KCNIP1: variants seen among roughly 807,000 people sequenced by gnomAD.
The protein encoded by KCNIP1 is A-type potassium channel modulatory protein KCNIP1.
In KCNIP1, 18 loss-of-function variants were observed where a neutral mutation model predicts 33.0. The ratio of observed to expected loss-of-function variants is 0.55; its 90% CI spans 0.38 to 0.81. KCNIP1 has a LOEUF of 0.81. Ranked by LOEUF, KCNIP1 falls within the 30% of genes least tolerant of loss-of-function variation. The pLI is 0.00. For synonymous variants in KCNIP1, 93 were observed against 98.3 expected, an observed-to-expected ratio of 0.95 and a Z score of 0.32; for missense variants, 238 against 271.6, an observed-to-expected ratio of 0.88 and a Z score of 0.87.
intron 1 of KCNIP1, among the ~76,000 whole-genome samples, chr5:170,702,123 C>T (rs1224400211): frequency 6.6e-6 from 1 of 152,256 alleles, no homozygotes; most frequent in Admixed American, 6.5e-5. Context: ...TAACTCTGCT[C>T]TATTTCCATT....
chr5:170,447,626 C>A (rs1213807795), intron 1 of KCNIP1, among the ~76,000 whole-genome samples: 1 of 152,108 alleles, frequency 6.6e-6, no homozygotes, highest in Non-Finnish European at 1.5e-5. Context: ...AAATCAGTGC[C>A]AGCAGCCAAG....
At chr5:170,465,638 A>G (rs1038129159) in intron 1 of KCNIP1, among the ~76,000 whole-genome samples, 2 of 152,086 alleles carry the variant, frequency 1.3e-5, no homozygotes, top group African/African-American at 2.4e-5. Context: ...CACAAACACA[A>G]AGAGAGAGAC....
intron 1 of KCNIP1, among the ~76,000 whole-genome samples, chr5:170,633,807 T>C (rs1760177899): frequency 6.9e-6 from 1 of 144,704 alleles, no homozygotes; most frequent in African/African-American, 2.6e-5. Context: ...TGGATAAGGG[T>C]TGTGGCTTTT....
intron 1 of KCNIP1, among the ~76,000 whole-genome samples, chr5:170,613,219 C>T (rs563045295): frequency 2.6e-4 from 39 of 152,286 alleles, no homozygotes; most frequent in African/African-American, 8.4e-4. Context: ...CGCCTCCCAC[C>T]GGTTTTGCAT....
chr5:170,595,077 AC>A (rs1758397980), intron 1 of KCNIP1, among the ~76,000 whole-genome samples: 1 of 152,178 alleles, frequency 6.6e-6, no homozygotes, highest in South Asian at 2.1e-4. Context: ...GTCAAGGCCC[AC>A]TTCAAGGCCA....
At chr5:170,702,454 G>GA (rs1763129281) in intron 1 of KCNIP1, among the ~76,000 whole-genome samples, 1 of 152,084 alleles carries the variant, frequency 6.6e-6, no homozygotes, top group South Asian at 2.1e-4. Context: ...TTGATGCTCA[G>GA]AAAAAAGAAA....
intron 1 of KCNIP1, among the ~76,000 whole-genome samples, chr5:170,539,605 C>T (rs115586899): frequency 9.1e-4 from 138 of 152,312 alleles, no homozygotes; most frequent in Non-Finnish European, 1.6e-3. Flanking sequence ...TTCCCCATAG[C>T]GCTCATCCCA....
intron 1 of KCNIP1, among the ~76,000 whole-genome samples, chr5:170,589,794 T>TGCGGTGCGATGCGGTGTGGTGCGGTGCG (rs1554103000): frequency 2.7e-5 from 3 of 113,164 alleles, no homozygotes; most frequent in Non-Finnish European, 5.8e-5. Flanking sequence ...TGTGATGTGG[T>TGCGGTGCGATGCGGTGTGGTGCGGTGCG]GTGCGGTGCG....
At chr5:170,565,426 A>G (rs1440795952) in intron 1 of KCNIP1, among the ~76,000 whole-genome samples, 2 of 152,176 alleles carry the variant, frequency 1.3e-5, no homozygotes, top group Non-Finnish European at 2.9e-5. Context: ...TCAGGGACAG[A>G]TTTTATTTCA....
At chr5:170,623,085 C>T (rs1347572755) in intron 1 of KCNIP1, among the ~76,000 whole-genome samples, 3 of 152,232 alleles carry the variant, frequency 2.0e-5, no homozygotes, top group Non-Finnish European at 4.4e-5. Flanking sequence ...GAACCTAATG[C>T]GGCGGCTGAT....
At chr5:170,733,038 T>C (rs1466774415) in intron 6 of KCNIP1, 134 bp downstream of exon 6, 3 of 582,628 alleles carry the variant, frequency 5.1e-6, no homozygotes, top group South Asian at 4.9e-5. Flanking sequence ...ATAAGATACA[T>C]TGTCCTCAAG....
chr5:170,585,195 G>T (rs1051542420), intron 1 of KCNIP1, among the ~76,000 whole-genome samples: 2 of 152,100 alleles, frequency 1.3e-5, no homozygotes, highest in Admixed American at 1.3e-4. Context: ...CTCTCTTAAC[G>T]ATATAGCTCT....
At chr5:170,514,970 G>C (rs1042061557) in intron 1 of KCNIP1, among the ~76,000 whole-genome samples, 5 of 152,210 alleles carry the variant, frequency 3.3e-5, no homozygotes, top group Admixed American at 1.3e-4. Context: ...GGTAGGTAGT[G>C]TGATTATTCC....
chr5:170,497,259 C>G (rs1757327627), intron 1 of KCNIP1, among the ~76,000 whole-genome samples: 1 of 152,194 alleles, frequency 6.6e-6, no homozygotes, highest in Non-Finnish European at 1.5e-5. Context: ...TGCAACCTCC[C>G]AGGTACCACA....
intron 6 of KCNIP1, among the ~76,000 whole-genome samples, chr5:170,733,147 A>G (rs1764263439): frequency 2.0e-5 from 3 of 152,242 alleles, no homozygotes; most frequent in Admixed American, 2.0e-4. Flanking sequence ...CTAAATCCAT[A>G]AAAATTTGGG....
At chr5:170,492,511 A>G (rs1278822180) in intron 1 of KCNIP1, among the ~76,000 whole-genome samples, 2 of 152,210 alleles carry the variant, frequency 1.3e-5, no homozygotes, top group East Asian at 3.8e-4. Context: ...TTATTGGCCA[A>G]TGGTGACTGA....
At chr5:170,483,214 G>C (rs943010359) in intron 1 of KCNIP1, 1 of 380,906 alleles carries the variant, frequency 2.6e-6, no homozygotes, top group Non-Finnish European at 5.1e-6. Flanking sequence ...GAGGCAAGAG[G>C]AACCCAGGGT....
intron 1 of KCNIP1, among the ~76,000 whole-genome samples, chr5:170,373,314 C>G (rs889016598): frequency 1.3e-5 from 2 of 152,160 alleles, no homozygotes; most frequent in Non-Finnish European, 2.9e-5. Flanking sequence ...TCTGATGGAG[C>G]CTGGTGGAGA....
intron 1 of KCNIP1, among the ~76,000 whole-genome samples, chr5:170,546,057 G>T (rs1477459483): frequency 6.6e-6 from 1 of 152,194 alleles, no homozygotes; most frequent in Non-Finnish European, 1.5e-5. Context: ...AATTTAAGAG[G>T]ATTGCAGTTT....
Sources: allele counts gnomAD v4.1 joint callset (sites outside exome capture counted in the v4.1 genomes callset), GRCh38; gene constraint gnomAD v4.1.1; transcripts MANE v1.5; gene names NCBI Gene and HGNC (gene_info 2026-07-23, HGNC 2026-07-21).